LARP1B: variants seen among roughly 807,000 people sequenced by gnomAD.
LARP1B encodes the protein la-related protein 1B.
Under a neutral mutation model 114.2 loss-of-function variants are expected in LARP1B, and 76 were observed. The observed-to-expected ratio is 0.67, with a 90% CI of 0.55 to 0.81. The LOEUF is 0.81. Ranked by LOEUF, LARP1B falls within the 30% of genes least tolerant of loss-of-function variation. LARP1B has a pLI of 0.00. For synonymous variants in LARP1B, 345 were observed against 348.0 expected (o/e 0.99, Z 0.10); for missense variants, 1,014 against 1,075.8 (o/e 0.94, Z 0.80).
At chr4:128,062,047 G>C (rs1007252258) in intron 1 of LARP1B, 2 of 985,240 alleles carry the variant, frequency 2.0e-6, no homozygotes, top group Non-Finnish European at 2.4e-6. Context: ...CGCCGTTGCT[G>C]CGGGATCCGC....
At chr4:128,124,961 CAA>C (rs1039498565) in intron 11 of LARP1B, among the ~76,000 whole-genome samples, 30 of 152,028 alleles carry the variant, frequency 2.0e-4, no homozygotes, top group African/African-American at 7.0e-4. Context: ...TTGACCTCTG[CAA>C]AAAGAGTTTT....
At chr4:128,190,208 G>A (rs1374981032) in intron 15 of LARP1B, among the ~76,000 whole-genome samples, 1 of 152,118 alleles carries the variant, frequency 6.6e-6, no homozygotes, top group African/African-American at 2.4e-5. Flanking sequence ...TAGTTGGTTG[G>A]CAGGTTTTGT....
chr4:128,095,544 G>A (rs1403197950), intron 7 of LARP1B, among the ~76,000 whole-genome samples: 1 of 150,098 alleles, frequency 6.7e-6, no homozygotes, highest in Non-Finnish European at 1.5e-5. Context: ...TGAGTGAGAT[G>A]TCAGTAGTAT....
chr4:128,083,812 C>T (rs1771969792), intron 5 of LARP1B, among the ~76,000 whole-genome samples: 1 of 151,064 alleles, frequency 6.6e-6, no homozygotes, highest in Non-Finnish European at 1.5e-5. Flanking sequence ...GACCCCCCCA[C>T]CTCCCTCCCG....
chr4:128,091,481 GC>G lies in LARP1B; in HGVS notation c.638del (p.Ala213AspfsTer17). The G allele has an allele frequency of 6.2e-7, 1 of 1,610,420 alleles. No individual in the cohort carries two copies. ...TGTACAGGTGTATCCTGTGGAAGAA[GC>G]ATTGCTTAAAGAGTATATTAAGCGT... is the stretch of plus-strand genomic sequence containing the variant. ...TGVQVYPVEE[A>X]LLKEYIKRQI... On this transcript the variant is annotated frameshift_variant, in exon 7 of 20. Coordinates refer to ENST00000326639, the MANE Select transcript of LARP1B (RefSeq NM_018078.4). LOFTEE classifies it high-confidence loss of function.
Position 128,091,343 on chromosome 4 carries a change from C to A in LARP1B, c.503-4C>A. The A allele has an allele frequency of 1.2e-6, 2 of 1,603,444 alleles. No homozygotes were observed. Among genetic ancestry groups the A allele is most frequent in the South Asian group, 1.1e-5 (1 of 88,612 alleles). On this transcript the variant is annotated splice_polypyrimidine_tract_variant and splice_region_variant and intron_variant, in intron 6 of 19. Coordinates refer to ENST00000326639, the MANE Select transcript of LARP1B (RefSeq NM_018078.4). ...TACCTTTCTTTTTCTTTATTCACAT[C>A]AAGTGAACTTTGATTATTCATATGG... is the stretch of plus-strand genomic sequence containing the variant.
intron 11 of LARP1B, among the ~76,000 whole-genome samples, chr4:128,157,313 AT>A (rs1156710727): frequency 6.6e-6 from 1 of 152,200 alleles, no homozygotes; most frequent in African/African-American, 2.4e-5. Flanking sequence ...CAAAAGAAAA[AT>A]CCAGAGTGAA....
intron 1 of LARP1B, among the ~76,000 whole-genome samples, chr4:128,066,165 C>CTTTTTTTTTTTTTTTTTTTTTTTTTT (rs59927866): frequency 5.0e-5 from 5 of 99,188 alleles, no homozygotes; most frequent in South Asian, 4.4e-4. Context: ...TTTCTTTCTT[C>CTTTTTTTTTTTTTTTTTTTTTTTTTT]TTTTTTTTTT....
chr4:128,111,338 A>C (rs1245757508), intron 9 of LARP1B, among the ~76,000 whole-genome samples: 1 of 151,894 alleles, frequency 6.6e-6, no homozygotes, highest in Admixed American at 6.6e-5. Flanking sequence ...TGAGCCACCA[A>C]GCCCAGCTCT....
intron 10 of LARP1B, among the ~76,000 whole-genome samples, chr4:128,121,286 C>A (rs941295298): frequency 6.6e-6 from 1 of 152,176 alleles, no homozygotes; most frequent in Non-Finnish European, 1.5e-5. Flanking sequence ...AATCAGAAGA[C>A]CTTGATTCTA....
chr4:128,172,117 G>A (rs1158396390), intron 12 of LARP1B, among the ~76,000 whole-genome samples: 1 of 151,490 alleles, frequency 6.6e-6, no homozygotes, highest in African/African-American at 2.4e-5. Context: ...ACCTTTTGTT[G>A]TCTCACAGGT....
chr4:128,213,861 C>T (rs541104189), downstream of LARP1B, among the ~76,000 whole-genome samples: 2,029 of 152,084 alleles, frequency 0.013, 21 homozygotes, highest in Non-Finnish European at 0.023. Context: ...ACGCAGAAGA[C>T]GGGTGATTTC....
At chr4:128,123,696 CA>C in intron 11 of LARP1B, 3 of 941,590 alleles carry the variant, frequency 3.2e-6, no homozygotes, top group Non-Finnish European at 3.8e-6. Context: ...ATGGAGTAAA[CA>C]TTATGCATTA....
chr4:128,095,947 G>A (rs1210394081), intron 7 of LARP1B, among the ~76,000 whole-genome samples: 1 of 149,512 alleles, frequency 6.7e-6, no homozygotes, highest in African/African-American at 2.5e-5. Context: ...CTTCTTCTCT[G>A]TCTTTAAAAT....
chr4:128,166,426 A>G (rs1301524932), intron 12 of LARP1B, among the ~76,000 whole-genome samples: 2 of 151,874 alleles, frequency 1.3e-5, no homozygotes, highest in African/African-American at 4.8e-5. Context: ...TTTCATTCTG[A>G]TCACCCTACA....
chr4:128,109,276 G>A (rs1449469735), intron 9 of LARP1B, among the ~76,000 whole-genome samples: 1 of 152,138 alleles, frequency 6.6e-6, no homozygotes, highest in Non-Finnish European at 1.5e-5. Flanking sequence ...TATGAGTAGA[G>A]AAAAGTAGTG....
At chr4:128,177,017 A>G (rs1341481912) in intron 13 of LARP1B, 110 bp downstream of exon 13, 1 of 980,088 alleles carries the variant, frequency 1.0e-6, no homozygotes, top group Non-Finnish European at 1.6e-6. Flanking sequence ...ATGAAAAGAT[A>G]TGGAACAAGG....
intron 7 of LARP1B, 150 bp from the exon 8 acceptor site, chr4:128,098,036 C>A: frequency 1.8e-6 from 1 of 541,762 alleles, no homozygotes; most frequent in Non-Finnish European, 3.2e-6. Context: ...TATATGTTTA[C>A]CCTATCTGTG....
In LARP1B at chr4:128,073,509, A is replaced by AAT. The variant is rs1003335277; in HGVS notation, c.-77-950_-77-949insTA. 1.6e-4 allele frequency among the ~76,000 whole-genome samples: 20 copies of AAT among 126,764 alleles called. No homozygotes were observed. In the East Asian group the frequency reaches 2.0e-3, roughly 13 times the overall value. The allele number at this position is 126,764 out of a possible 152,430, so 83.2% of individuals were successfully genotyped here. On this transcript the variant is annotated intron_variant, in intron 1 of 19. Transcript: ENST00000326639. The stretch of plus-strand genomic sequence containing the variant: ...AACAGCAAACAGCATGAGAGAAATA[A>AAT]AGAGACTCTGTCTCAAAAAAAAAAA...
Sources: gnomAD v4.1 joint callset for allele counts (sites outside exome capture counted in the v4.1 genomes callset) on GRCh38, gnomAD v4.1.1 for gene constraint, MANE v1.5 for transcripts, NCBI Gene and HGNC (gene_info 2026-07-23, HGNC 2026-07-21) for gene names.